Variants in ZCCHC4 observed in about 807,000 individuals in gnomAD.
ZCCHC4 encodes zinc finger CCHC-type containing 4.
ZCCHC4 carries 54 observed loss-of-function variants against 67.7 expected under a neutral mutation model. The observed-to-expected ratio is 0.80, with a 90% CI of 0.64 to 1.00. The LOEUF (loss-of-function observed/expected upper bound fraction) is 1.00, where lower values mean the gene tolerates loss of function less well. Among genes scored for constraint, ZCCHC4 ranks in the 50% least tolerant of loss-of-function variants. The pLI, the probability that ZCCHC4 is intolerant of heterozygous loss-of-function variation, is 0.00. For synonymous variants in ZCCHC4, 198 were observed against 213.5 expected (o/e 0.93, Z 0.63); for missense variants, 609 against 617.0 (o/e 0.99, Z 0.14).
At chr4:25,355,169 G>A (rs764420322) in intron 8 of ZCCHC4, among the ~76,000 whole-genome samples, 2 of 152,172 alleles carry the variant, frequency 1.3e-5, no homozygotes, top group African/African-American at 2.4e-5. Flanking sequence ...AAGGAAGGAT[G>A]TGATGATGAA....
intron 3 of ZCCHC4, among the ~76,000 whole-genome samples, chr4:25,321,873 G>T (rs1212999876): frequency 6.6e-6 from 1 of 152,146 alleles, no homozygotes; most frequent in Non-Finnish European, 1.5e-5. Flanking sequence ...TCTGGTGGCT[G>T]ACTGAAAGTA....
Position 25,312,917 on chromosome 4 carries a change from C to T in ZCCHC4, c.108C>T (p.Pro36=), listed in dbSNP as rs772003078. 35 of 1,612,544 alleles carry T rather than the reference C, an allele frequency of 2.2e-5. No individual in the cohort carries two copies. The highest frequency in any genetic ancestry group is 1.7e-4 in the Admixed American group (10 of 60,008). The change falls in exon 1 of 13, where the codon CCC becomes CCT. Residue 36 remains proline (P), a synonymous_variant. Coordinates refer to ENST00000302874, the MANE Select transcript of ZCCHC4 (RefSeq NM_024936.3). ...EVVLPLDPAV[P]APLCPHGPTL... ...TGCTTCCTTTGGATCCTGCCGTCCC[C>T]GCCCCGCTGTGCCCTCACGGTGGGT...
Position 25,361,914 on chromosome 4 carries a change from C to CT in ZCCHC4, c.1068dup (p.Pro357SerfsTer18), listed in dbSNP as rs1560417008. The stretch of plus-strand genomic sequence containing the variant: ...CACGGAAAGACAGGTCGAAAACAGT[C>CT]TCCCGTGCGTATTTTCACCAACATT... On this transcript the variant is annotated frameshift_variant, in exon 9 of 13. Coordinates refer to ENST00000302874, the MANE Select transcript of ZCCHC4 (RefSeq NM_024936.3). LOFTEE classifies it high-confidence loss of function. 6.2e-7 allele frequency: 1 copy of CT among 1,613,902 alleles called. No homozygotes were observed. The highest frequency in any genetic ancestry group is 8.5e-7 in the Non-Finnish European group (1 of 1,179,872).
At chr4:25,326,858 A>G (rs578031802) in intron 3 of ZCCHC4, among the ~76,000 whole-genome samples, 1 of 152,108 alleles carries the variant, frequency 6.6e-6, no homozygotes, top group African/African-American at 2.4e-5. Flanking sequence ...AGTCATCTTT[A>G]ATTTTTCTTG....
chr4:25,315,360 A>T lies in ZCCHC4; in HGVS notation c.289A>T (p.Arg97Ter), dbSNP rs765444258. Residue 97 changes from arginine (R) to a stop codon, truncating the protein, a stop_gained, in exon 3 of 13, where the codon AGA (arginine) becomes TGA (stop). Transcript: ENST00000302874. LOFTEE classifies it high-confidence loss of function. ...RLAAREAHNRRCQPPLSRTQC... is the reference protein window; with the variant it reads ...RLAAREAHNR ...TGCTGCCCGAGAAGCTCATAACCGA[A>T]GATGTCAGCCTCCCCTGTCCCGAAC... The T allele has an allele frequency of 6.2e-7, 1 of 1,613,168 alleles. No individual in the cohort carries two copies.
At position 25,359,232 on chromosome 4, in the gene ZCCHC4, C is replaced by T. The variant is rs1428875235; in HGVS notation, c.1012-2627C>T. ...GCACTGAGAAGGAATGAGCTTTTGC[C>T]AGCAGAGTTGGATGGGCATTTTTGA... is the stretch of plus-strand genomic sequence containing the variant. On this transcript the variant is annotated intron_variant, in intron 8 of 12. Transcript: ENST00000302874. This position sits in a 1 kb window ranked among gnomAD's most constrained non-coding sequence, Gnocchi z 4.9. Among the ~76,000 whole-genome samples, 1 of 152,142 alleles carries T rather than the reference C, an allele frequency of 6.6e-6. No homozygotes were observed. Among genetic ancestry groups the T allele is most frequent in the African/African-American group, 2.4e-5 (1 of 41,438 alleles).
chr4:25,356,971 C>A (rs1476998719), intron 8 of ZCCHC4, among the ~76,000 whole-genome samples: 1 of 152,192 alleles, frequency 6.6e-6, no homozygotes, highest in Non-Finnish European at 1.5e-5. Context: ...AAATTCATGA[C>A]CAGCCGTCAT....
At chr4:25,337,706 T>C (rs1380858961) in intron 5 of ZCCHC4, among the ~76,000 whole-genome samples, 1 of 152,202 alleles carries the variant, frequency 6.6e-6, no homozygotes, top group East Asian at 1.9e-4. Context: ...AGACAATGTA[T>C]ACAGTTGCCA....
intron 6 of ZCCHC4, among the ~76,000 whole-genome samples, chr4:25,348,961 C>A (rs962018970): frequency 6.6e-6 from 1 of 152,178 alleles, no homozygotes; most frequent in African/African-American, 2.4e-5. Context: ...TGTGAACTTT[C>A]ATTTTTTATT....
At chr4:25,339,246 C>G (rs992152184) in intron 5 of ZCCHC4, among the ~76,000 whole-genome samples, 1 of 152,280 alleles carries the variant, frequency 6.6e-6, no homozygotes, top group African/African-American at 2.4e-5. Flanking sequence ...TTCTGAAGTA[C>G]TGGTGATTAG....
Position 25,314,031 on chromosome 4 carries a change from C to G in ZCCHC4, c.128-15C>G. 124 of 515,438 alleles carry G rather than the reference C, an allele frequency of 2.4e-4. No homozygotes were observed. The highest frequency in any genetic ancestry group is 3.2e-4 in the Non-Finnish European group (112 of 355,144). 31.9% of individuals were successfully genotyped at this position (515,438 alleles called of 1,614,324 possible). On this transcript the variant is annotated splice_polypyrimidine_tract_variant and intron_variant, in intron 1 of 12. Transcript: ENST00000302874. ...TACTTGACACTTTTTTTTTTTTTTT[C>G]TATTCTGGAACTAGGACCCACTCTT...
At chr4:25,327,221 A>G (rs1184865160) in intron 3 of ZCCHC4, among the ~76,000 whole-genome samples, 1 of 152,140 alleles carries the variant, frequency 6.6e-6, no homozygotes, top group Non-Finnish European at 1.5e-5. Flanking sequence ...CCCTTAGTCA[A>G]TGTCGAGTAG....
intron 5 of ZCCHC4, among the ~76,000 whole-genome samples, chr4:25,342,307 T>C (rs1719794678): frequency 6.6e-6 from 1 of 152,116 alleles, no homozygotes; most frequent in South Asian, 2.1e-4. Context: ...CAGTGAGTAG[T>C]TTTTTGGCAC....
chr4:25,364,483 CTG>C lies in ZCCHC4; in HGVS notation c.1241_1242del (p.Cys414Ter), dbSNP rs867604297. ...GCAGGAAATGGAACCATTGCTTTCT[CTG>C]TAAAAAGTGTGTAAAGCCTTGTAAG... ...DGRKWNHCFL[C>X]KKCVKPSWIH... On this transcript the variant is annotated frameshift_variant, in exon 11 of 13. Transcript: ENST00000302874. LOFTEE classifies it high-confidence loss of function. 6.5e-7 allele frequency: 1 copy of C among 1,539,074 alleles called. No individual in the cohort carries two copies. Among genetic ancestry groups the C allele is most frequent in the Non-Finnish European group, 8.7e-7 (1 of 1,148,806 alleles).
intron 7 of ZCCHC4, 55 bp from the exon 8 acceptor site, chr4:25,351,534 G>C: frequency 8.3e-7 from 1 of 1,211,074 alleles, no homozygotes; most frequent in Non-Finnish European, 1.2e-6. Flanking sequence ...TTCTACTGTA[G>C]CCTTCTATTT....
chr4:25,368,237 C>A lies in ZCCHC4; in HGVS notation c.1407-792C>A, dbSNP rs139073648. 2.7e-3 allele frequency among the ~76,000 whole-genome samples: 413 copies of A among 152,210 alleles called. 3 individuals carry two copies. Among genetic ancestry groups the A allele is most frequent in the African/African-American group, 9.4e-3 (391 of 41,524 alleles). On this transcript the variant is annotated intron_variant, in intron 12 of 12. Transcript: ENST00000302874. The stretch of plus-strand genomic sequence containing the variant: ...ATTGCTGGGTAATCAGGGGAGGAGT[C>A]CTGGTTTGGCATTGTTGTAGCTCTG...
chr4:25,346,866 C>T (rs569973688), intron 6 of ZCCHC4, among the ~76,000 whole-genome samples: 12 of 152,130 alleles, frequency 7.9e-5, no homozygotes, highest in African/African-American at 2.7e-4. Flanking sequence ...TGAGGGGCTT[C>T]GCAGCTGGGA....
At chr4:25,315,276 A>G (rs536251133) in intron 2 of ZCCHC4, 42 bp from the exon 3 acceptor site, 19 of 1,538,334 alleles carry the variant, frequency 1.2e-5, no homozygotes, top group South Asian at 4.7e-5. Flanking sequence ...AGGATGATAG[A>G]TATTTCACAG....
chr4:25,365,686 T>G (rs1720913820), intron 12 of ZCCHC4: 3 of 984,966 alleles, frequency 3.0e-6, no homozygotes, highest in Non-Finnish European at 3.6e-6. Context: ...TTATTACTTT[T>G]TTTCCTGTGA....
Sources: allele counts gnomAD v4.1 joint callset (sites outside exome capture counted in the v4.1 genomes callset), GRCh38; gene constraint gnomAD v4.1.1; non-coding constraint Gnocchi (gnomAD v3.1); transcripts MANE v1.5; gene names NCBI Gene and HGNC (gene_info 2026-07-23, HGNC 2026-07-21).